The following SMCHD1 variants were observed in gnomAD, a reference collection of about 807,000 sequenced individuals.
SMCHD1 encodes structural maintenance of chromosomes flexible hinge domain containing 1.
SMCHD1 carries 78 observed loss-of-function variants against 254.7 expected under a neutral mutation model. The ratio of observed to expected loss-of-function variants is 0.31; its 90% CI spans 0.26 to 0.37. SMCHD1 has a LOEUF of 0.37. Among genes scored for constraint, SMCHD1 ranks in the 10% least tolerant of loss-of-function variants. SMCHD1 has a pLI of 1.00. For synonymous variants in SMCHD1, 766 were observed against 794.9 expected, an observed-to-expected ratio of 0.96 and a Z score of 0.61; for missense variants, 1,840 against 2,408.1, an observed-to-expected ratio of 0.76 and a Z score of 4.94.
intron 47 of SMCHD1, among the ~76,000 whole-genome samples, chr18:2,799,055 A>T (rs1419806053): frequency 1.3e-5 from 2 of 152,196 alleles, no homozygotes; most frequent in Non-Finnish European, 2.9e-5. Flanking sequence ...ATCATCGGTC[A>T]TATGTGTATA....
chr18:2,736,902 C>T (rs962166176), intron 25 of SMCHD1, among the ~76,000 whole-genome samples: 2 of 152,080 alleles, frequency 1.3e-5, no homozygotes, highest in African/African-American at 2.4e-5. Flanking sequence ...TGTATATATA[C>T]CCAAAGGAAA....
intron 30 of SMCHD1, among the ~76,000 whole-genome samples, chr18:2,748,390 A>ATTTTTTTTTTTTTTTTTTTGTATATAAAT (rs2075507780): frequency 1.1e-5 from 1 of 92,700 alleles, no homozygotes; most frequent in Non-Finnish European, 1.9e-5. Flanking sequence ...GTGTATATAA[A>ATTTTTTTTTTTTTTTTTTTGTATATAAAT]TTTTTTTTTT....
chr18:2,686,342 T>A (rs763227810), intron 5 of SMCHD1, among the ~76,000 whole-genome samples: 2 of 152,214 alleles, frequency 1.3e-5, no homozygotes, highest in Non-Finnish European at 2.9e-5. Context: ...AGGTGGTAAG[T>A]ATAATGCATC....
At chr18:2,756,947 A>G (rs1000428717) in intron 34 of SMCHD1, among the ~76,000 whole-genome samples, 2 of 152,126 alleles carry the variant, frequency 1.3e-5, no homozygotes, top group Non-Finnish European at 2.9e-5. Context: ...AGAGATTTCA[A>G]TTTTTTAGAT....
intron 8 of SMCHD1, among the ~76,000 whole-genome samples, chr18:2,695,521 G>T (rs1262751110): frequency 6.6e-6 from 1 of 152,038 alleles, no homozygotes; most frequent in Admixed American, 6.6e-5. Flanking sequence ...TGTTGGCCAG[G>T]CTGGTCTTGA....
At chr18:2,716,539 G>C (rs1344248057) in intron 17 of SMCHD1, among the ~76,000 whole-genome samples, 2 of 152,206 alleles carry the variant, frequency 1.3e-5, no homozygotes, top group Non-Finnish European at 2.9e-5. Context: ...CAGGTAGGGA[G>C]GGCAAAGCTA....
chr18:2,726,954 G>A (rs1372046508), intron 22 of SMCHD1: 4 of 153,526 alleles, frequency 2.6e-5, no homozygotes, highest in African/African-American at 9.7e-5. Context: ...GAATATGCTG[G>A]CTAATTTGAG....
chr18:2,670,769 T>C (rs2073571240), intron 3 of SMCHD1, among the ~76,000 whole-genome samples: 1 of 151,374 alleles, frequency 6.6e-6, no homozygotes, highest in African/African-American at 2.4e-5. Context: ...GGCGTGGAGG[T>C]GGGTGCCTGT....
intron 30 of SMCHD1, among the ~76,000 whole-genome samples, chr18:2,749,200 T>C (rs1184169308): frequency 1.3e-5 from 2 of 152,234 alleles, no homozygotes; most frequent in South Asian, 2.1e-4. Flanking sequence ...GGTATAAACA[T>C]AGGATTTCAT....
In SMCHD1 at chr18:2,707,626, G is replaced by A. The variant is rs1240590833; in HGVS notation, c.2127G>A (p.Arg709=). Residue 709 remains arginine, a synonymous_variant, in exon 16 of 48, where the codon AGG becomes AGA. Transcript: ENST00000320876. ...EGDELLPNEV[R]PAGTPIGALR... ...ATGAATTATTGCCTAATGAGGTTAG[G>A]CCTGCTGGAACCCCTATTGGTATGT... is the stretch of plus-strand genomic sequence containing the variant. 6.2e-7 allele frequency: 1 copy of A among 1,604,558 alleles called. No homozygotes were observed. Among genetic ancestry groups the A allele is most frequent in the Non-Finnish European group, 8.5e-7 (1 of 1,174,172 alleles).
At chr18:2,767,946 C>T (rs985373421) in intron 37 of SMCHD1, among the ~76,000 whole-genome samples, 1 of 152,062 alleles carries the variant, frequency 6.6e-6, no homozygotes, top group African/African-American at 2.4e-5. Context: ...GTACTGAACA[C>T]TGTAGGTAAT....
chr18:2,713,715 T>C (rs1198869105), intron 17 of SMCHD1, among the ~76,000 whole-genome samples: 1 of 152,232 alleles, frequency 6.6e-6, no homozygotes, highest in Non-Finnish European at 1.5e-5. Flanking sequence ...AATTTTCATA[T>C]CAATTTTATC....
Position 2,671,851 on chromosome 18 carries a change from G to A in SMCHD1, c.425-1430G>A, listed in dbSNP as rs942240296. Reference sequence around the variant, plus strand: ...CTGACCTGAAGATCCGCCCGCCTTGGCCTCCCAAAGTGCTGGGATTACAGG... The same window carrying A: ...CTGACCTGAAGATCCGCCCGCCTTGACCTCCCAAAGTGCTGGGATTACAGG... On this transcript the variant is annotated intron_variant, in intron 3 of 47. Transcript: ENST00000320876. Among the ~76,000 whole-genome samples the A allele has an allele frequency of 2.0e-5, 3 of 151,736 alleles. No homozygotes were observed. The East Asian group carries it at 5.8e-4, about 29-fold the overall frequency.
chr18:2,670,829 A>T (rs2073574189), intron 3 of SMCHD1, among the ~76,000 whole-genome samples: 1 of 143,972 alleles, frequency 6.9e-6, no homozygotes, highest in Non-Finnish European at 1.5e-5. Flanking sequence ...TGAACCTGGG[A>T]GGCGGAGCTT....
intron 5 of SMCHD1, among the ~76,000 whole-genome samples, chr18:2,680,426 G>A (rs892667914): frequency 2.0e-5 from 3 of 152,154 alleles, no homozygotes. Flanking sequence ...TAGCTTTGTG[G>A]TCAGCTAGTG....
chr18:2,697,944 T>C lies in SMCHD1; in HGVS notation c.1245T>C (p.Ala415=), dbSNP rs973338443. ...CAGCTGATAGTTTTGAATTCAAAGC[T>C]CATGTTGAAGGAGATGGTGTAGTGG... is the stretch of plus-strand genomic sequence containing the variant. ...NTAADSFEFK[A]HVEGDGVVEG... Residue 415 remains alanine, a synonymous_variant, in exon 10 of 48, where the codon GCT becomes GCC. Coordinates refer to ENST00000320876, the MANE Select transcript of SMCHD1 (RefSeq NM_015295.3). The C allele has an allele frequency of 1.9e-6, 3 of 1,613,682 alleles. No homozygotes were observed. Among genetic ancestry groups the C allele is most frequent in the Non-Finnish European group, 1.7e-6 (2 of 1,179,704 alleles).
At chr18:2,797,283 A>T (rs1217895381) in intron 47 of SMCHD1, among the ~76,000 whole-genome samples, 2 of 152,180 alleles carry the variant, frequency 1.3e-5, no homozygotes, top group South Asian at 2.1e-4. Flanking sequence ...TTCCACCCTA[A>T]CTTCATAGTA....
rs1456601601 is a variant in SMCHD1, at chr18:2,782,845, TTTG to T, written c.5548-1593_5548-1591del. 1.3e-4 allele frequency among the ~76,000 whole-genome samples: 20 copies of T among 152,034 alleles called. No individual in the cohort carries two copies. The East Asian group carries it at 3.5e-3, about 26-fold the overall frequency. ...ATAGCACATGAAGCCAGTTTGTATT[TTTG>T]TTGTTGTTGTTCACCACTAGAAAAC... is the stretch of plus-strand genomic sequence containing the variant. On this transcript the variant is annotated intron_variant, in intron 44 of 47. Transcript: ENST00000320876.
chr18:2,661,987 C>T (rs2073274886), intron 1 of SMCHD1, among the ~76,000 whole-genome samples: 1 of 135,084 alleles, frequency 7.4e-6, no homozygotes, highest in Non-Finnish European at 1.5e-5. Flanking sequence ...AAACCCCCGT[C>T]TCTACTAAAA....
Sources: allele counts gnomAD v4.1 joint callset (sites outside exome capture counted in the v4.1 genomes callset), GRCh38; gene constraint gnomAD v4.1.1; transcripts MANE v1.5; gene names NCBI Gene and HGNC (gene_info 2026-07-23, HGNC 2026-07-21).